ZSCAN5B: variants seen among roughly 807,000 people sequenced by gnomAD.
ZSCAN5B encodes the protein zinc finger and SCAN domain-containing protein 5B.
A neutral mutation model predicts 25.2 loss-of-function variants in ZSCAN5B; 26 were observed. The ratio of observed to expected loss-of-function variants is 1.03; its 90% CI spans 0.76 to 1.43. The LOEUF (loss-of-function observed/expected upper bound fraction) is 1.43, where lower values mean the gene tolerates loss of function less well. Ranked by LOEUF, ZSCAN5B falls within the 40% of genes most tolerant of loss-of-function variation. The pLI, the probability that ZSCAN5B is intolerant of heterozygous loss-of-function variation, is 0.00. For missense variants in ZSCAN5B, 745 were observed against 622.1 expected, an observed-to-expected ratio of 1.20 and a Z score of -2.10; for synonymous variants, 244 against 240.9, an observed-to-expected ratio of 1.01 and a Z score of -0.12.
exon 5 of ZSCAN5B, chr19:56,190,275 T>C (rs2032710264): frequency 6.2e-7 from 1 of 1,614,216 alleles, no homozygotes; most frequent in Non-Finnish European, 8.5e-7. Context: ...CTTGGCTTCT[T>C]GGCCATCTGG....
chr19:56,190,406 G>A (rs1251232183), exon 5 of ZSCAN5B: 1 of 1,613,946 alleles, frequency 6.2e-7, no homozygotes, highest in East Asian at 2.2e-5. Flanking sequence ...AAATGGAGGA[G>A]GCATCTGGTT....
At chr19:56,192,167 T>C in intron 2 of ZSCAN5B, 114 bp from the exon 3 acceptor site, 1 of 1,022,858 alleles carries the variant, frequency 9.8e-7, no homozygotes, top group Non-Finnish European at 1.4e-6. Context: ...CAAATCTACC[T>C]TCCTGATGCA....
At chr19:56,192,220 T>C (rs148364057) in intron 2 of ZSCAN5B, among the ~76,000 whole-genome samples, 167 bp from the exon 3 acceptor site, 33 of 152,342 alleles carry the variant, frequency 2.2e-4, no homozygotes, top group African/African-American at 7.7e-4. Flanking sequence ...AATTTTTTTC[T>C]TCACTAGATA....
At chr19:56,193,886 C>T (rs1246165452) in intron 1 of ZSCAN5B, among the ~76,000 whole-genome samples, 2 of 150,236 alleles carry the variant, frequency 1.3e-5, no homozygotes, top group African/African-American at 2.5e-5. Flanking sequence ...GGCGTGAACC[C>T]GGGAGGCAGA....
exon 3 of ZSCAN5B, chr19:56,192,048 T>C (rs779818478): frequency 6.2e-7 from 1 of 1,610,840 alleles, no homozygotes. Context: ...GCAAGTTGAC[T>C]ATAGACTGTA....
At chr19:56,196,433 A>G (rs1032617272) in intron 1 of ZSCAN5B, among the ~76,000 whole-genome samples, 45 of 152,212 alleles carry the variant, frequency 3.0e-4, no homozygotes, top group African/African-American at 1.1e-3. Flanking sequence ...GTTCACAGCA[A>G]TGTACCGTAT....
chr19:56,194,125 G>A (rs1057193892), intron 1 of ZSCAN5B, among the ~76,000 whole-genome samples: 1 of 151,926 alleles, frequency 6.6e-6, no homozygotes, highest in Non-Finnish European at 1.5e-5. Flanking sequence ...CCCCAAAAGA[G>A]AACGCCATCC....
At chr19:56,193,046 C>A (rs1337957554) in exon 2 of ZSCAN5B, 2 of 1,559,204 alleles carry the variant, frequency 1.3e-6, no homozygotes, top group East Asian at 2.4e-5. Flanking sequence ...GTCCAATTTG[C>A]AGCCATATCT....
At chr19:56,193,174 A>C in exon 2 of ZSCAN5B, 1 of 1,200,484 alleles carries the variant, frequency 8.3e-7, no homozygotes, top group Non-Finnish European at 1.1e-6. Flanking sequence ...CAGTTTGTTC[A>C]GAAGTCTGCA....
chr19:56,190,660 T>C (rs1330430274), intron 4 of ZSCAN5B, 85 bp from the exon 5 acceptor site: 1 of 1,560,642 alleles, frequency 6.4e-7, no homozygotes, highest in East Asian at 2.2e-5. Flanking sequence ...ACACTGACCT[T>C]GGCTGAGAAC....
exon 5 of ZSCAN5B, chr19:56,190,297 G>A (rs745610141): frequency 6.2e-7 from 1 of 1,614,172 alleles, no homozygotes; most frequent in Non-Finnish European, 8.5e-7. Flanking sequence ...TGACTGACCG[G>A]GCCCGCAGGG....
chr19:56,193,064 A>G (rs1243611742), exon 2 of ZSCAN5B: 1 of 1,531,604 alleles, frequency 6.5e-7, no homozygotes, highest in Non-Finnish European at 8.8e-7. Flanking sequence ...TCTACTGGAG[A>G]ATATTTCAAT....
intron 1 of ZSCAN5B, among the ~76,000 whole-genome samples, 160 bp downstream of exon 1, chr19:56,197,574 C>A (rs1443725155): frequency 6.6e-6 from 1 of 152,156 alleles, no homozygotes; most frequent in Non-Finnish European, 1.5e-5. Context: ...AGAAGCACTT[C>A]ATCGCCAGTC....
At chr19:56,192,603 C>A (rs2032751758) in intron 2 of ZSCAN5B, 66 bp downstream of exon 2, 1 of 1,538,784 alleles carries the variant, frequency 6.5e-7, no homozygotes. Flanking sequence ...ATATTTGAGA[C>A]TGGAGAATTC....
At chr19:56,193,106 T>G in exon 2 of ZSCAN5B, 1 of 1,471,872 alleles carries the variant, frequency 6.8e-7, no homozygotes, top group Non-Finnish European at 9.0e-7. Flanking sequence ...CAGTAGCCAG[T>G]ATCAAATTGA....
chr19:56,197,399 G>T (rs995260941), intron 1 of ZSCAN5B, among the ~76,000 whole-genome samples: 5 of 151,932 alleles, frequency 3.3e-5, no homozygotes, highest in African/African-American at 1.2e-4. Flanking sequence ...CACCACGCCC[G>T]GCTAATTTTT....
chr19:56,195,146 G>T (rs2032794570), intron 1 of ZSCAN5B, among the ~76,000 whole-genome samples: 1 of 152,174 alleles, frequency 6.6e-6, no homozygotes, highest in African/African-American at 2.4e-5. Context: ...CTTCCTGGAA[G>T]GACTCTGAGC....
Position 56,190,061 on chromosome 19 carries a change from C to T in ZSCAN5B, c.1254G>A (p.Lys418=), listed in dbSNP as rs375504592. The stretch of plus-strand genomic sequence containing the variant: ...GTAAGGTGGACTCGTGGGCGAACCG[C>T]TTTTGGCAGACGTCACACATGTAGG... Residue 418 remains lysine, a synonymous_variant, in exon 5 of 5, where the codon AAG becomes AAA. Coordinates refer to ENST00000586855, the Ensembl canonical transcript of ZSCAN5B. The T allele has an allele frequency of 1.9e-6, 3 of 1,614,002 alleles. No homozygotes were observed. The Admixed American group carries it at 5.0e-5, about 27-fold the overall frequency.
At chr19:56,191,085 T>G in intron 3 of ZSCAN5B, 98 bp from the exon 4 acceptor site, 1 of 1,537,280 alleles carries the variant, frequency 6.5e-7, no homozygotes, top group Non-Finnish European at 8.9e-7. Context: ...AGACTTCCCA[T>G]GGACCACCCC....
Sources: gnomAD v4.1 joint callset for allele counts (sites outside exome capture counted in the v4.1 genomes callset) on GRCh38, gnomAD v4.1.1 for gene constraint, MANE v1.5 for transcripts, NCBI Gene and HGNC (gene_info 2026-07-23, HGNC 2026-07-21) for gene names.